DMD: variants seen among roughly 807,000 people sequenced by gnomAD.
DMD encodes mutant dystrophin.
DMD carries 63 observed loss-of-function variants against 330.1 expected under a neutral mutation model. The observed-to-expected ratio is 0.19, with a 90% CI of 0.16 to 0.24. DMD has a LOEUF of 0.24. Ranked by LOEUF, DMD falls within the 10% of genes least tolerant of loss-of-function variation. DMD has a pLI of 1.00. For synonymous variants in DMD, 1,223 were observed against 959.8 expected (o/e 1.27, Z -5.07); for missense variants, 3,344 against 2,684.1 (o/e 1.25, Z -5.43).
At chrX:31,782,281 A>T (rs2091053282) in intron 50 of DMD, among the ~76,000 whole-genome samples, 2 of 111,293 alleles carry the variant, frequency 1.8e-5, no homozygotes, top group African/African-American at 6.5e-5. Context: ...GGATTGGTCA[A>T]GTCACTTGTT....
chrX:32,811,178 T>TTAAAAA (rs1363211065), intron 6 of DMD, among the ~76,000 whole-genome samples: 74 of 86,500 alleles, frequency 8.6e-4, no homozygotes, highest in African/African-American at 3.0e-3. Context: ...TACAACTTAT[T>TTAAAAA]AAAAAAAAAA....
intron 2 of DMD, among the ~76,000 whole-genome samples, chrX:32,920,079 C>T (rs1179422839): frequency 2.7e-5 from 3 of 111,259 alleles, no homozygotes; most frequent in Admixed American, 9.6e-5. Flanking sequence ...CATCAACCTC[C>T]GTCCTCAATC....
At chrX:32,389,735 T>A in intron 31 of DMD, 61 bp from the exon 32 acceptor site, 2 of 1,034,116 alleles carry the variant, frequency 1.9e-6, no homozygotes, top group Non-Finnish European at 2.7e-6. Flanking sequence ...TAACTGGTCC[T>A]ATTTTTATTG....
At chrX:32,562,780 C>T (rs752377028) in intron 16 of DMD, among the ~76,000 whole-genome samples, 112 of 111,678 alleles carry the variant, frequency 1.0e-3, no homozygotes, top group Non-Finnish European at 1.6e-3. Flanking sequence ...GATACTATTT[C>T]GCTGTTGTCT....
intron 41 of DMD, among the ~76,000 whole-genome samples, chrX:32,337,563 T>A (rs2097721772): frequency 9.1e-6 from 1 of 110,490 alleles, no homozygotes; most frequent in Admixed American, 9.8e-5. Context: ...TGTATACATA[T>A]TTCAGAGGTT....
chrX:32,456,090 T>G (rs930280831), intron 25 of DMD, among the ~76,000 whole-genome samples: 1 of 46,853 alleles, frequency 2.1e-5, no homozygotes, highest in Admixed American at 3.5e-4. Context: ...AGTAACAGAG[T>G]TTTCATAGTA....
At position 31,266,847 on chromosome X, in the gene DMD, G is replaced by C. The variant is rs773295068; in HGVS notation, c.9225-5831C>G. On this transcript the variant is annotated intron_variant, in intron 62 of 78. Coordinates refer to ENST00000357033, the MANE Select transcript of DMD (RefSeq NM_004006.3). ...TCCCTCATGGCTGCAAGGGCTCCGC[G>C]GTCGAGTGTGGGTACGAGTGGAGGA... The C allele has an allele frequency of 4.2e-6, 5 of 1,202,735 alleles. No homozygotes were observed. In the African/African-American group the frequency reaches 7.0e-5, roughly 17 times the overall value.
chrX:31,953,969 A>T (rs1243158517), intron 45 of DMD, among the ~76,000 whole-genome samples: 8 of 111,570 alleles, frequency 7.2e-5, no homozygotes, highest in African/African-American at 2.6e-4. Context: ...ACTCTGATTT[A>T]CTACTGCCTA....
chrX:33,244,889 C>A (rs1323877109), intron 1 of DMD, among the ~76,000 whole-genome samples: 3 of 111,678 alleles, frequency 2.7e-5, no homozygotes, highest in Non-Finnish European at 5.7e-5. Context: ...CTAGTGTCTT[C>A]AAGTCATGCA....
chrX:32,209,719 G>A (rs747641736), intron 44 of DMD, among the ~76,000 whole-genome samples: 25 of 110,873 alleles, frequency 2.3e-4, no homozygotes, highest in African/African-American at 6.5e-4. Flanking sequence ...GAATCCCTTA[G>A]GGATGACATG....
chrX:33,214,501 C>T (rs764050365), upstream of DMD, among the ~76,000 whole-genome samples: 4 of 111,543 alleles, frequency 3.6e-5, no homozygotes, highest in Non-Finnish European at 7.5e-5. Flanking sequence ...TTTCATCATA[C>T]TCGGCTTTTT....
At chrX:32,443,707 T>G (rs1260837536) in intron 27 of DMD, among the ~76,000 whole-genome samples, 1 of 111,005 alleles carries the variant, frequency 9.0e-6, no homozygotes, top group Non-Finnish European at 1.9e-5. Flanking sequence ...CTTTGCAAAA[T>G]AAAATATAGT....
chrX:31,480,550 A>ATGTT (rs1439475968), intron 57 of DMD, among the ~76,000 whole-genome samples: 1 of 76,714 alleles, frequency 1.3e-5, no homozygotes, highest in African/African-American at 5.5e-5. Flanking sequence ...TGAAATCTCC[A>ATGTT]TGTTTGTGTG....
intron 2 of DMD, among the ~76,000 whole-genome samples, chrX:32,985,543 T>C (rs1392409163): frequency 8.9e-6 from 1 of 111,955 alleles, no homozygotes; most frequent in Non-Finnish European, 1.9e-5. Context: ...AAATCATATT[T>C]AGAATCCAAG....
At chrX:32,677,760 CAAAA>C (rs35068375) in intron 9 of DMD, among the ~76,000 whole-genome samples, 1 of 111,119 alleles carries the variant, frequency 9.0e-6, no homozygotes, top group African/African-American at 3.3e-5. Context: ...GCCATTTTAT[CAAAA>C]AAAGAGCAAA....
intron 9 of DMD, among the ~76,000 whole-genome samples, chrX:32,651,958 G>T (rs2060187984): frequency 9.0e-6 from 1 of 111,477 alleles, no homozygotes. Context: ...GATGTTAAAT[G>T]TCAGCAAATT....
At chrX:32,475,710 T>C (rs1164068599) in intron 21 of DMD, among the ~76,000 whole-genome samples, 1 of 111,371 alleles carries the variant, frequency 9.0e-6, no homozygotes, top group Non-Finnish European at 1.9e-5. Context: ...GAGCTACTGA[T>C]TTTTGTACAT....
intron 53 of DMD, among the ~76,000 whole-genome samples, chrX:31,671,062 G>A (rs1439264936): frequency 9.0e-6 from 1 of 111,141 alleles, no homozygotes; most frequent in Non-Finnish European, 1.9e-5. Context: ...ACAGGCGCCC[G>A]CCACCGTGCC....
intron 60 of DMD, among the ~76,000 whole-genome samples, chrX:31,437,740 A>T (rs1480278726): frequency 9.1e-6 from 1 of 109,360 alleles, no homozygotes; most frequent in Non-Finnish European, 1.9e-5. Flanking sequence ...CTATCATTTC[A>T]ACATGTAATC....
Sources: allele counts gnomAD v4.1 joint callset (sites outside exome capture counted in the v4.1 genomes callset), GRCh38; gene constraint gnomAD v4.1.1; transcripts MANE v1.5; gene names NCBI Gene and HGNC (gene_info 2026-07-23, HGNC 2026-07-21).